Variants in COMMD10 observed in about 807,000 individuals in gnomAD.
COMMD10 encodes COMM domain containing 10.
In COMMD10, 33 loss-of-function variants were observed where a neutral mutation model predicts 28.9. The ratio of observed to expected loss-of-function variants is 1.14; its 90% CI spans 0.87 to 1.53. The LOEUF is 1.53. Ranked by LOEUF, COMMD10 falls within the 40% of genes most tolerant of loss-of-function variation. The pLI is 0.00. For synonymous variants in COMMD10, 110 were observed against 81.7 expected (o/e 1.35, Z -1.87); for missense variants, 310 against 233.4 (o/e 1.33, Z -2.14).
rs748773522 is a variant in COMMD10, at chr5:116,085,046, G to C, written c.-7G>C. On this transcript the variant is annotated 5_prime_UTR_variant, in exon 1 of 7. Transcript: ENST00000274458. ...TAACAGACGGCGGCAGTGCGAGAAAGCCGAAGATGGCGGTCCCCGCGGCGC... is the reference window on the plus strand; with the variant it reads ...TAACAGACGGCGGCAGTGCGAGAAACCCGAAGATGGCGGTCCCCGCGGCGC... 7 of 1,607,540 alleles carry C rather than the reference G, an allele frequency of 4.4e-6. No individual in the cohort carries two copies. Among genetic ancestry groups the C allele is most frequent in the Non-Finnish European group, 5.9e-6 (7 of 1,178,358 alleles).
At chr5:116,093,391 G>C (rs1561596196) in intron 4 of COMMD10, among the ~76,000 whole-genome samples, 2 of 152,200 alleles carry the variant, frequency 1.3e-5, no homozygotes, top group South Asian at 4.1e-4. Context: ...GGACAGCCTT[G>C]CTGGGATCAA....
At chr5:116,133,388 T>G (rs1245398165) in intron 4 of COMMD10, among the ~76,000 whole-genome samples, 1 of 152,246 alleles carries the variant, frequency 6.6e-6, no homozygotes, top group Non-Finnish European at 1.5e-5. Flanking sequence ...TGCTGTTGTA[T>G]TAACTAATAA....
chr5:116,137,554 A>C (rs1015591102), intron 5 of COMMD10, among the ~76,000 whole-genome samples: 2 of 152,146 alleles, frequency 1.3e-5, no homozygotes, highest in Admixed American at 6.5e-5. Context: ...GGAGGATTAG[A>C]ATCACTGTAA....
In COMMD10 at chr5:116,104,810, G is replaced by A. The variant is rs1258445054; in HGVS notation, c.399+12110G>A. On this transcript the variant is annotated intron_variant, in intron 4 of 6. Transcript: ENST00000274458. ...AATTTTTTGTATTTTTAGTAGAGAC[G>A]GGGTTTCACTGTCTTAGCCAGGATG... Among the ~76,000 whole-genome samples the A allele has an allele frequency of 3.3e-5, 5 of 152,000 alleles. No homozygotes were observed. In the South Asian group the frequency reaches 8.3e-4, roughly 25 times the overall value.
intron 5 of COMMD10, among the ~76,000 whole-genome samples, chr5:116,205,187 G>A (rs1197125309): frequency 2.0e-5 from 3 of 152,130 alleles, no homozygotes; most frequent in Admixed American, 2.0e-4. Flanking sequence ...AAGAGAGGAA[G>A]GGGTCTCTTC....
chr5:116,290,058 T>C (rs1207478105), intron 5 of COMMD10, among the ~76,000 whole-genome samples: 1 of 151,916 alleles, frequency 6.6e-6, no homozygotes, highest in Non-Finnish European at 1.5e-5. Flanking sequence ...CTGCCACCTT[T>C]AGGGGTACAT....
At chr5:116,126,678 G>C (rs1751656553) in intron 4 of COMMD10, among the ~76,000 whole-genome samples, 1 of 152,014 alleles carries the variant, frequency 6.6e-6, no homozygotes, top group Admixed American at 6.5e-5. Context: ...ATGGGGAAAG[G>C]ATTCCCTATT....
intron 5 of COMMD10, among the ~76,000 whole-genome samples, chr5:116,289,892 G>C (rs1751320399): frequency 6.6e-6 from 1 of 151,906 alleles, no homozygotes; most frequent in African/African-American, 2.4e-5. Context: ...GGTGGAAAGA[G>C]GGCCTCTAGC....
At chr5:116,202,791 T>G (rs1561665277) in intron 5 of COMMD10, among the ~76,000 whole-genome samples, 1 of 151,552 alleles carries the variant, frequency 6.6e-6, no homozygotes, top group Non-Finnish European at 1.5e-5. Context: ...TATTAGCCCT[T>G]TGTCAGATGA....
chr5:116,256,179 GA>G (rs1480876800), intron 5 of COMMD10, among the ~76,000 whole-genome samples: 3 of 151,618 alleles, frequency 2.0e-5, no homozygotes, highest in Non-Finnish European at 4.4e-5. Flanking sequence ...CTAAGAAGAA[GA>G]AAAGAATCTA....
At chr5:116,270,688 G>A (rs775721863) in intron 5 of COMMD10, among the ~76,000 whole-genome samples, 4 of 151,756 alleles carry the variant, frequency 2.6e-5, no homozygotes, top group Admixed American at 6.6e-5. Flanking sequence ...TGTAATCCCA[G>A]CACTTTGGGA....
intron 5 of COMMD10, among the ~76,000 whole-genome samples, chr5:116,207,825 C>G (rs1364929823): frequency 6.6e-6 from 1 of 152,114 alleles, no homozygotes; most frequent in Non-Finnish European, 1.5e-5. Context: ...TGCCAAAAAT[C>G]AGTATTTTCT....
chr5:116,140,014 T>G (rs1397499296), intron 5 of COMMD10, among the ~76,000 whole-genome samples: 1 of 151,778 alleles, frequency 6.6e-6, no homozygotes, highest in Non-Finnish European at 1.5e-5. Flanking sequence ...ACTGCAAGTT[T>G]ATATGCTTTA....
At chr5:116,268,370 T>G (rs1474746348) in intron 5 of COMMD10, among the ~76,000 whole-genome samples, 2 of 151,836 alleles carry the variant, frequency 1.3e-5, no homozygotes, top group African/African-American at 4.9e-5. Flanking sequence ...TCACTGGCCA[T>G]CAGACAAATG....
intron 5 of COMMD10, among the ~76,000 whole-genome samples, chr5:116,173,573 T>G (rs1027767088): frequency 6.6e-6 from 1 of 152,172 alleles, no homozygotes; most frequent in African/African-American, 2.4e-5. Context: ...TCCTCTATAA[T>G]GAAGTACTTA....
intron 4 of COMMD10, among the ~76,000 whole-genome samples, chr5:116,131,393 GTGTGTGTA>G (rs1751856345): frequency 6.6e-6 from 1 of 151,858 alleles, no homozygotes; most frequent in Non-Finnish European, 1.5e-5. Flanking sequence ...GTATGTGTGT[GTGTGTGTA>G]TGTGTGTATG....
At chr5:116,183,441 G>A (rs1341247224) in intron 5 of COMMD10, among the ~76,000 whole-genome samples, 3 of 151,976 alleles carry the variant, frequency 2.0e-5, no homozygotes, top group African/African-American at 7.3e-5. Context: ...ATTCAATCTT[G>A]TTTTTATTTT....
At chr5:116,150,320 G>A (rs560333824) in intron 5 of COMMD10, among the ~76,000 whole-genome samples, 1 of 152,102 alleles carries the variant, frequency 6.6e-6, no homozygotes, top group African/African-American at 2.4e-5. Context: ...TTTTTGCTTA[G>A]GATTGACTTG....
intron 5 of COMMD10, among the ~76,000 whole-genome samples, chr5:116,198,882 C>A (rs1580541985): frequency 1.3e-5 from 2 of 152,108 alleles, no homozygotes; most frequent in South Asian, 4.1e-4. Flanking sequence ...TGATTGCTTT[C>A]CAGTTTTGCT....
Sources: gnomAD v4.1 joint callset for allele counts (sites outside exome capture counted in the v4.1 genomes callset) on GRCh38, gnomAD v4.1.1 for gene constraint, MANE v1.5 for transcripts, NCBI Gene and HGNC (gene_info 2026-07-23, HGNC 2026-07-21) for gene names.